Variants in PPFIA2 observed in about 807,000 individuals in gnomAD.
The protein encoded by PPFIA2 is PPFI scaffold protein A2.
In PPFIA2, 46 loss-of-function variants were observed where a neutral mutation model predicts 175.5. The ratio of observed to expected loss-of-function variants is 0.26; its 90% CI spans 0.21 to 0.34. PPFIA2 has a LOEUF of 0.34. PPFIA2 is among the 10% of genes least tolerant of loss of function. The pLI is 1.00. For synonymous variants in PPFIA2, 568 were observed against 511.4 expected, an observed-to-expected ratio of 1.11 and a Z score of -1.49; for missense variants, 1,179 against 1,506.1, an observed-to-expected ratio of 0.78 and a Z score of 3.60.
intron 3 of PPFIA2, among the ~76,000 whole-genome samples, chr12:81,747,222 A>G (rs1165043474): frequency 2.1e-5 from 3 of 144,140 alleles, no homozygotes; most frequent in Non-Finnish European, 4.7e-5. Flanking sequence ...CTTCTCTTTT[A>G]CAGGTAAGGG....
intron 4 of PPFIA2, chr12:81,598,123 G>GA: frequency 6.6e-7 from 1 of 1,510,332 alleles, no homozygotes; most frequent in South Asian, 1.2e-5. Context: ...TGCATTGAGG[G>GA]AGACTAGAGG....
chr12:81,624,441 T>G (rs2062440308), intron 4 of PPFIA2, among the ~76,000 whole-genome samples: 1 of 147,006 alleles, frequency 6.8e-6, no homozygotes, highest in Non-Finnish European at 1.5e-5. Flanking sequence ...ATACATATAT[T>G]ATATGTATAA....
intron 24 of PPFIA2, among the ~76,000 whole-genome samples, chr12:81,294,295 TA>T (rs11341677): frequency 0.018 from 2,753 of 151,946 alleles, 89 homozygotes; most frequent in African/African-American, 0.064. Context: ...TCTATAAAAA[TA>T]AAAAATATTA....
intron 11 of PPFIA2, among the ~76,000 whole-genome samples, chr12:81,373,534 C>A (rs1289850784): frequency 2.6e-5 from 4 of 151,882 alleles, no homozygotes; most frequent in Non-Finnish European, 5.9e-5. Context: ...AAATTATAAT[C>A]CCATCTTAAT....
At chr12:81,464,020 G>A (rs1479266629) in intron 4 of PPFIA2, among the ~76,000 whole-genome samples, 1 of 151,946 alleles carries the variant, frequency 6.6e-6, no homozygotes, top group Non-Finnish European at 1.5e-5. Flanking sequence ...AATATTCCCA[G>A]TTGTTACCTT....
At chr12:81,334,236 G>C (rs1312181001) in intron 21 of PPFIA2, among the ~76,000 whole-genome samples, 2 of 152,194 alleles carry the variant, frequency 1.3e-5, no homozygotes, top group African/African-American at 4.8e-5. Context: ...TGACAGGACA[G>C]ACAATGTAGC....
intron 8 of PPFIA2, among the ~76,000 whole-genome samples, chr12:81,394,108 T>C (rs2040641122): frequency 6.6e-6 from 1 of 152,056 alleles, no homozygotes; most frequent in African/African-American, 2.4e-5. Flanking sequence ...TGTTACTTTA[T>C]CACATTTTCC....
intron 4 of PPFIA2, among the ~76,000 whole-genome samples, chr12:81,665,835 G>C (rs554207576): frequency 6.6e-6 from 1 of 151,912 alleles, no homozygotes; most frequent in Non-Finnish European, 1.5e-5. Context: ...GCAACCTACA[G>C]AATGGGAGAA....
At chr12:81,741,359 T>C (rs1392023967) in intron 3 of PPFIA2, among the ~76,000 whole-genome samples, 1 of 152,190 alleles carries the variant, frequency 6.6e-6, no homozygotes, top group East Asian at 1.9e-4. Context: ...TATGATTGCA[T>C]GATTTGCTAA....
At chr12:81,450,489 G>GT (rs920012643) in intron 5 of PPFIA2, among the ~76,000 whole-genome samples, 4 of 151,716 alleles carry the variant, frequency 2.6e-5, no homozygotes, top group East Asian at 3.9e-4. Flanking sequence ...AGGGTTGTTT[G>GT]TTTTTTTTCT....
At chr12:81,429,462 T>G (rs1253852330) in intron 7 of PPFIA2, among the ~76,000 whole-genome samples, 1 of 152,040 alleles carries the variant, frequency 6.6e-6, no homozygotes, top group African/African-American at 2.4e-5. Flanking sequence ...ATCCTATAAC[T>G]TCAGATGAGT....
chr12:81,604,848 T>C (rs755920335), intron 4 of PPFIA2, among the ~76,000 whole-genome samples: 1 of 151,700 alleles, frequency 6.6e-6, no homozygotes, highest in Non-Finnish European at 1.5e-5. Flanking sequence ...CAGAAAGGAA[T>C]TGAAAATGAA....
intron 7 of PPFIA2, among the ~76,000 whole-genome samples, chr12:81,434,866 G>GA (rs1371144613): frequency 1.3e-5 from 2 of 151,854 alleles, no homozygotes; most frequent in African/African-American, 4.8e-5. Context: ...AAACACTACA[G>GA]AAACATATGG....
intron 5 of PPFIA2, among the ~76,000 whole-genome samples, chr12:81,452,385 T>C (rs906200997): frequency 1.3e-5 from 2 of 152,196 alleles, no homozygotes; most frequent in African/African-American, 4.8e-5. Flanking sequence ...AGCATGACAT[T>C]AACATCTGAA....
intron 28 of PPFIA2, among the ~76,000 whole-genome samples, chr12:81,268,906 A>G (rs2136332956): frequency 6.6e-6 from 1 of 152,362 alleles, no homozygotes; most frequent in Non-Finnish European, 1.5e-5. Flanking sequence ...GTAAAATAAT[A>G]TAAGGCATCA....
chr12:81,395,984 G>A (rs1596039071), intron 8 of PPFIA2, among the ~76,000 whole-genome samples: 1 of 151,978 alleles, frequency 6.6e-6, no homozygotes, highest in East Asian at 1.9e-4. Flanking sequence ...AATAAGTTTT[G>A]TGTGCCTTTT....
intron 4 of PPFIA2, among the ~76,000 whole-genome samples, chr12:81,621,393 G>T (rs1417255981): frequency 6.6e-6 from 1 of 152,316 alleles, no homozygotes; most frequent in East Asian, 1.9e-4. Context: ...ATTGGACATT[G>T]ATTTTTATTC....
Position 81,445,604 on chromosome 12 carries a change from G to C in PPFIA2, c.522C>G (p.Leu174=), listed in dbSNP as rs753411488. The change falls in exon 6 of 33, where the codon CTC becomes CTG. Residue 174 remains leucine, a synonymous_variant. Coordinates refer to ENST00000549396, the MANE Select transcript of PPFIA2 (RefSeq NM_003625.5). The part of the protein sequence containing the change: ...PSGVSSEVEV[L]KALKSLFEHH... ...GCTCAAACAAAGATTTCAGTGCCTT[G>C]AGAACTTCAACTTCACTGGATACTC... 17 of 1,613,696 alleles carry C rather than the reference G, an allele frequency of 1.1e-5. No homozygotes were observed. The highest frequency in any genetic ancestry group is 1.7e-5 in the Admixed American group (1 of 59,978).
intron 19 of PPFIA2, among the ~76,000 whole-genome samples, chr12:81,343,254 T>A (rs2140403772): frequency 6.6e-6 from 1 of 152,220 alleles, no homozygotes; most frequent in East Asian, 1.9e-4. Flanking sequence ...CAAATTATGT[T>A]GTTACTTCCT....
Sources: allele counts gnomAD v4.1 joint callset (sites outside exome capture counted in the v4.1 genomes callset), GRCh38; gene constraint gnomAD v4.1.1; transcripts MANE v1.5; gene names NCBI Gene and HGNC (gene_info 2026-07-23, HGNC 2026-07-21).